The following MREG variants were observed in gnomAD, a reference collection of about 807,000 sequenced individuals.
MREG encodes the protein dilute suppressor protein homolog.
MREG carries 31 observed loss-of-function variants against 28.5 expected under a neutral mutation model. The ratio of observed to expected loss-of-function variants is 1.09; its 90% CI spans 0.82 to 1.47. The LOEUF (loss-of-function observed/expected upper bound fraction) is 1.47, where lower values mean the gene tolerates loss of function less well. MREG is among the 40% of genes most tolerant of loss of function. The probability of loss-of-function intolerance (pLI) is 0.00; values close to 1 mark genes in which losing one functional copy is unlikely to be tolerated. For synonymous variants in MREG, 106 were observed against 95.2 expected (o/e 1.11, Z -0.66); for missense variants, 256 against 257.4 (o/e 0.99, Z 0.04).
chr2:216,006,226 G>C (rs369479614), intron 1 of MREG, among the ~76,000 whole-genome samples: 9 of 152,222 alleles, frequency 5.9e-5, no homozygotes, highest in African/African-American at 1.9e-4. Flanking sequence ...CACAAAAAGA[G>C]AAGAGGGACG....
Position 216,031,628 on chromosome 2 carries a change from CAAGG to C in MREG, c.-68+1157_-68+1160del, listed in dbSNP as rs1337274634. Among the ~76,000 whole-genome samples, 15 of 80,694 alleles carry C rather than the reference CAAGG, an allele frequency of 1.9e-4. No individual in the cohort carries two copies. In the South Asian group the frequency reaches 2.0e-3, roughly 11 times the overall value. 52.9% of individuals were successfully genotyped at this position (80,694 alleles called of 152,430 possible). On this transcript the variant is annotated intron_variant, in intron 1 of 3. Transcript: ENST00000420348. ...AGAAGGAAGAAAAGAAAGAAAGGAACAAGGAAGGAAGGAAGAAGAAAAGAAAGAA... is the reference window on the plus strand; with the variant it reads ...AGAAGGAAGAAAAGAAAGAAAGGAACAAGGAAGGAAGAAGAAAAGAAAGAA...
At chr2:215,987,937 A>G (rs1693618265) in intron 2 of MREG, among the ~76,000 whole-genome samples, 1 of 152,160 alleles carries the variant, frequency 6.6e-6, no homozygotes, top group Non-Finnish European at 1.5e-5. Flanking sequence ...TAAAAAATAA[A>G]AAAGAAGAAG....
chr2:216,029,553 T>TC (rs1694648547), intron 1 of MREG, among the ~76,000 whole-genome samples: 1 of 152,142 alleles, frequency 6.6e-6, no homozygotes, highest in Admixed American at 6.5e-5. Context: ...CTTATGCACC[T>TC]CCCCCTGCCT....
intron 1 of MREG, among the ~76,000 whole-genome samples, chr2:215,997,585 G>A (rs938425532): frequency 1.3e-5 from 2 of 152,192 alleles, no homozygotes; most frequent in Non-Finnish European, 2.9e-5. Flanking sequence ...CCTCACTAGA[G>A]TCTAGCATGG....
chr2:215,990,153 C>T (rs1339156813), intron 2 of MREG, among the ~76,000 whole-genome samples: 3 of 152,280 alleles, frequency 2.0e-5, no homozygotes, highest in East Asian at 1.9e-4. Flanking sequence ...AGAGAAAGGT[C>T]GGGTTACCCA....
intron 2 of MREG, among the ~76,000 whole-genome samples, chr2:215,979,087 A>G (rs938862490): frequency 2.6e-5 from 4 of 152,240 alleles, no homozygotes; most frequent in African/African-American, 9.6e-5. Flanking sequence ...TGGAGTTTTC[A>G]TAAGAGGGAA....
intron 2 of MREG, among the ~76,000 whole-genome samples, chr2:215,966,895 T>A (rs10180437): frequency 0.76 from 115,351 of 152,122 alleles, 45,438 homozygotes; most frequent in Non-Finnish European, 0.87. Context: ...CCACTGCACC[T>A]GGCAAACATT....
At chr2:215,999,140 T>C (rs543849040) in intron 1 of MREG, among the ~76,000 whole-genome samples, 13 of 152,336 alleles carry the variant, frequency 8.5e-5, no homozygotes, top group African/African-American at 2.4e-4. Context: ...TATTCCTGCA[T>C]GACTGCAGCA....
intron 2 of MREG, among the ~76,000 whole-genome samples, chr2:215,990,462 C>T (rs1693693056): frequency 6.6e-6 from 1 of 152,240 alleles, no homozygotes; most frequent in Middle Eastern, 3.4e-3. Flanking sequence ...TAAAGACCAT[C>T]GACACTATGA....
intron 2 of MREG, among the ~76,000 whole-genome samples, chr2:215,949,101 A>G (rs1279133685): frequency 6.6e-6 from 1 of 150,650 alleles, no homozygotes; most frequent in Non-Finnish European, 1.5e-5. Flanking sequence ...TAATAATAAT[A>G]ATAATACAAA....
rs67462853 is a variant in MREG at position 215,949,035 on chromosome 2, TCTACTACTA to T, written c.256-1931_256-1923del. Among the ~76,000 whole-genome samples, 425 of 131,050 alleles carry T rather than the reference TCTACTACTA, an allele frequency of 3.2e-3. 2 individuals are homozygous for T. Among genetic ancestry groups the T allele is most frequent in the African/African-American group, 9.3e-3 (333 of 35,750 alleles). The allele number at this position is 131,050 out of a possible 152,430, so 86.0% of individuals were successfully genotyped here. A position where few individuals can be genotyped will look rare whatever the true frequency, so the allele number is the denominator to read the frequency against. ...CTGGCCAGCATGGCAAAACCCTGTC[TCTACTACTA>T]CTACTACTACTACTACTACTACTAC... is the stretch of plus-strand genomic sequence containing the variant. On this transcript the variant is annotated intron_variant, in intron 2 of 4. Coordinates refer to ENST00000263268, the MANE Select transcript of MREG (RefSeq NM_018000.3).
In MREG at chr2:215,943,059, G is replaced by C. The variant is rs1231218233; in HGVS notation, c.*1804C>G. 3 of 160,980 alleles carry C rather than the reference G, an allele frequency of 1.9e-5. No homozygotes were observed. The highest frequency in any genetic ancestry group is 4.1e-5 in the Non-Finnish European group (3 of 73,112). 10.0% of individuals were successfully genotyped at this position (160,980 alleles called of 1,614,324 possible). A position where few individuals can be genotyped will look rare whatever the true frequency, so the allele number is the denominator to read the frequency against. On this transcript the variant is annotated 3_prime_UTR_variant, in exon 5 of 5. Coordinates refer to ENST00000263268, the MANE Select transcript of MREG (RefSeq NM_018000.3). ...TCGCCTATGAAATATTTTAAACATTGTGGACGCTACCAAAAAGCTCATTGG... is the reference window on the plus strand; with the variant it reads ...TCGCCTATGAAATATTTTAAACATTCTGGACGCTACCAAAAAGCTCATTGG...
At chr2:215,945,056 G>T in intron 4 of MREG, 59 bp from the exon 5 acceptor site, 1 of 1,481,552 alleles carries the variant, frequency 6.7e-7, no homozygotes, top group Non-Finnish European at 9.1e-7. Flanking sequence ...AAGACATGTC[G>T]ATGGGAAAAA....
chr2:215,998,351 G>A (rs1246553274), intron 1 of MREG, among the ~76,000 whole-genome samples: 1 of 150,020 alleles, frequency 6.7e-6, no homozygotes, highest in Non-Finnish European at 1.5e-5. Context: ...TAATAATTGG[G>A]ACAACAACCA....
At chr2:215,991,814 C>T (rs115995852) in intron 2 of MREG, among the ~76,000 whole-genome samples, 1,609 of 152,084 alleles carry the variant, frequency 0.011, 25 homozygotes, top group African/African-American at 0.037. Context: ...GATAAATTCC[C>T]GGACACATAC....
At chr2:215,954,789 C>T (rs954038107) in intron 2 of MREG, among the ~76,000 whole-genome samples, 1 of 151,956 alleles carries the variant, frequency 6.6e-6, no homozygotes, top group Non-Finnish European at 1.5e-5. Flanking sequence ...CTGCAACCTC[C>T]GCCTCCCGGG....
At chr2:216,029,949 A>T (rs1694654861) in intron 1 of MREG, among the ~76,000 whole-genome samples, 1 of 152,176 alleles carries the variant, frequency 6.6e-6, no homozygotes, top group East Asian at 1.9e-4. Context: ...TGGTCGGTGC[A>T]CATGCTCATG....
In MREG at chr2:215,980,616, T is replaced by C. The variant is rs75952252; in HGVS notation, c.255+15690A>G. Among the ~76,000 whole-genome samples the C allele has an allele frequency of 6.2e-3, 939 of 152,252 alleles. 5 individuals carry two copies. Among genetic ancestry groups the C allele is most frequent in the African/African-American group, 0.021 (869 of 41,546 alleles). On this transcript the variant is annotated intron_variant, in intron 2 of 4. Coordinates refer to ENST00000263268, the MANE Select transcript of MREG (RefSeq NM_018000.3). ...ACGAAGCTGTCAGCTATTTTTTTAT[T>C]GAGCAATTTGGAGGTTAAGAAAAGT...
In MREG at chr2:216,002,381, A is replaced by G. The variant is rs550610011; in HGVS notation, c.96-5916T>C. Among the ~76,000 whole-genome samples, 9 of 152,300 alleles carry G rather than the reference A, an allele frequency of 5.9e-5. No homozygotes were observed. In the South Asian group the frequency reaches 1.9e-3, roughly 32 times the overall value. On this transcript the variant is annotated intron_variant, in intron 1 of 4. Transcript: ENST00000263268. ...GAGTTCCTCAGGATTCCTCACTACT[A>G]ACAAGGGCTGCATGTAAAAGACCTT...
Sources: allele counts gnomAD v4.1 joint callset (sites outside exome capture counted in the v4.1 genomes callset), GRCh38; gene constraint gnomAD v4.1.1; transcripts MANE v1.5; gene names NCBI Gene and HGNC (gene_info 2026-07-23, HGNC 2026-07-21).